Variants in TMEM232 observed in about 807,000 individuals in gnomAD.
The protein encoded by TMEM232 is transmembrane protein 232.
A neutral mutation model predicts 78.8 loss-of-function variants in TMEM232; 80 were observed. The observed-to-expected ratio is 1.01, with a 90% CI of 0.85 to 1.22. The LOEUF (loss-of-function observed/expected upper bound fraction) is 1.22, where lower values mean the gene tolerates loss of function less well. TMEM232 is among the 50% of genes most tolerant of loss of function. The probability of loss-of-function intolerance (pLI) is 0.00; values close to 1 mark genes in which losing one functional copy is unlikely to be tolerated. For missense variants in TMEM232, 881 were observed against 742.2 expected (o/e 1.19, Z -2.17); for synonymous variants, 297 against 254.3 (o/e 1.17, Z -1.60).
intron 12 of TMEM232, among the ~76,000 whole-genome samples, chr5:110,443,818 G>A (rs1022617320): frequency 6.6e-6 from 1 of 152,168 alleles, no homozygotes; most frequent in African/African-American, 2.4e-5. Context: ...TGCCAGGACT[G>A]GGTCCTTCCT....
At chr5:110,551,788 T>C (rs974415405) in intron 11 of TMEM232, among the ~76,000 whole-genome samples, 1 of 152,132 alleles carries the variant, frequency 6.6e-6, no homozygotes, top group Non-Finnish European at 1.5e-5. Context: ...TGAAGAACTA[T>C]TGGGCTGACA....
chr5:110,511,533 T>C (rs559180302), intron 12 of TMEM232, among the ~76,000 whole-genome samples: 1 of 152,170 alleles, frequency 6.6e-6, no homozygotes, highest in Admixed American at 6.5e-5. Context: ...TATTTATAGA[T>C]TATTTTATAC....
At chr5:110,679,828 A>G (rs1334562361) in intron 1 of TMEM232, among the ~76,000 whole-genome samples, 3 of 152,008 alleles carry the variant, frequency 2.0e-5, no homozygotes, top group African/African-American at 7.2e-5. Flanking sequence ...CTCAAAAGCA[A>G]TTTTATGTCT....
At chr5:110,562,322 G>A (rs1775844057) in intron 11 of TMEM232, among the ~76,000 whole-genome samples, 1 of 151,956 alleles carries the variant, frequency 6.6e-6, no homozygotes. Context: ...TCCCAACTTG[G>A]CAAGTCAACC....
rs56932869 is a variant in TMEM232 at position 110,659,778 on chromosome 5, A to G, written c.125+7450T>C. ...AATAAATTAATAGAATGTAAGATAT[A>G]ATTTGTTAATTCAATGGATACATTT... On this transcript the variant is annotated intron_variant, in intron 2 of 13. Coordinates refer to ENST00000455884, the MANE Select transcript of TMEM232 (RefSeq NM_001039763.4). 3.7e-3 allele frequency among the ~76,000 whole-genome samples: 556 copies of G among 152,298 alleles called. 2 individuals carry two copies. The highest frequency in any genetic ancestry group is 0.012 in the African/African-American group (511 of 41,574).
chr5:110,641,080 CA>C, intron 3 of TMEM232, 84 bp from the exon 4 acceptor site: 2 of 831,394 alleles, frequency 2.4e-6, no homozygotes, highest in East Asian at 3.7e-5. Flanking sequence ...AATTGTGCTC[CA>C]AAAGTCATTC....
intron 5 of TMEM232, among the ~76,000 whole-genome samples, chr5:110,630,756 C>T (rs1449919335): frequency 1.3e-5 from 2 of 152,054 alleles, no homozygotes; most frequent in African/African-American, 2.4e-5. Flanking sequence ...TGAGAATGAA[C>T]TAATACAGAA....
chr5:110,487,265 G>C (rs930729398), intron 12 of TMEM232, among the ~76,000 whole-genome samples: 1 of 151,686 alleles, frequency 6.6e-6, no homozygotes, highest in African/African-American at 2.4e-5. Flanking sequence ...AACAGTGACA[G>C]TTTGACTTCC....
In TMEM232 at chr5:110,627,850, T is replaced by C. The variant is rs376262705; in HGVS notation, c.532A>G (p.Ile178Val). 2.9e-4 allele frequency: 452 copies of C among 1,536,276 alleles called. 1 individual carries two copies. The African/African-American group carries it at 5.4e-3, about 19-fold the overall frequency. The change falls in exon 6 of 14, where the codon ATA (isoleucine) becomes GTA (valine). Residue 178 changes from isoleucine to valine, a missense_variant. Ile to Val is a conservative substitution (Grantham distance 29). Coordinates refer to ENST00000455884, the MANE Select transcript of TMEM232 (RefSeq NM_001039763.4). ...TCTAGATGACCATGCAGGAAAAATA[T>C]AAAAAGTCGTAAGAAGACCAAATAG... The part of the protein sequence containing the change: ...IGYLVFLRLF[I>V]FFLHGHLESF...
intron 12 of TMEM232, among the ~76,000 whole-genome samples, chr5:110,490,106 T>G (rs1764868206): frequency 7.2e-6 from 1 of 138,606 alleles, no homozygotes; most frequent in Non-Finnish European, 1.5e-5. Context: ...CCTGACTGAG[T>G]GAAACTCCGT....
chr5:110,509,100 C>CAT (rs761850802), intron 12 of TMEM232, among the ~76,000 whole-genome samples: 11 of 147,416 alleles, frequency 7.5e-5, no homozygotes, highest in African/African-American at 1.2e-4. Flanking sequence ...TATACACACA[C>CAT]ATATATATGC....
chr5:110,436,657 T>C (rs1299146144), intron 12 of TMEM232, among the ~76,000 whole-genome samples: 1 of 152,064 alleles, frequency 6.6e-6, no homozygotes, highest in East Asian at 1.9e-4. Flanking sequence ...AGGGATCAAG[T>C]TTCATTCTTC....
chr5:110,695,875 AAGG>A (rs1480194738), intron 1 of TMEM232, among the ~76,000 whole-genome samples: 2 of 152,218 alleles, frequency 1.3e-5, no homozygotes, highest in Non-Finnish European at 2.9e-5. Flanking sequence ...CCAGAGGTAC[AAGG>A]AGAAGCTGGT....
At chr5:110,640,022 C>T (rs1218155952) in intron 4 of TMEM232, among the ~76,000 whole-genome samples, 1 of 152,180 alleles carries the variant, frequency 6.6e-6, no homozygotes, top group South Asian at 2.1e-4. Flanking sequence ...CATGATTCAC[C>T]CCCCTCGGGT....
chr5:110,730,767 C>T (rs1292112703), upstream of TMEM232, among the ~76,000 whole-genome samples: 8 of 152,274 alleles, frequency 5.3e-5, no homozygotes, highest in Middle Eastern at 3.4e-3. Context: ...CTACAATACA[C>T]GGGAATTCTG....
At chr5:110,622,343 G>GA in intron 7 of TMEM232, among the ~76,000 whole-genome samples, 1 of 152,278 alleles carries the variant, frequency 6.6e-6, no homozygotes, top group East Asian at 1.9e-4. Flanking sequence ...CAGAACAGAT[G>GA]AAACTATTTA....
intron 12 of TMEM232, among the ~76,000 whole-genome samples, chr5:110,435,704 G>C (rs571590298): frequency 6.6e-6 from 1 of 151,950 alleles, no homozygotes; most frequent in Admixed American, 6.6e-5. Context: ...GTGAGAACAT[G>C]TGATGTTTGT....
intron 11 of TMEM232, 35 bp from the exon 12 acceptor site, chr5:110,528,870 C>T (rs1261937558): frequency 1.5e-6 from 2 of 1,346,844 alleles, no homozygotes; most frequent in South Asian, 4.3e-5. Context: ...TCAGTTGAAA[C>T]AGGATTAAAT....
intron 12 of TMEM232, among the ~76,000 whole-genome samples, chr5:110,478,179 C>G (rs906324861): frequency 9.6e-4 from 146 of 151,986 alleles, no homozygotes; most frequent in African/African-American, 3.5e-3. Context: ...CAACATCGAC[C>G]CAGTTTTGCT....
Sources: gnomAD v4.1 joint callset for allele counts (sites outside exome capture counted in the v4.1 genomes callset) on GRCh38, gnomAD v4.1.1 for gene constraint, MANE v1.5 for transcripts, NCBI Gene and HGNC (gene_info 2026-07-23, HGNC 2026-07-21) for gene names.